PARD3B: variants seen among roughly 807,000 people sequenced by gnomAD.
The protein encoded by PARD3B is partitioning defective 3 homolog B.
A neutral mutation model predicts 130.2 loss-of-function variants in PARD3B; 103 were observed. The ratio of observed to expected loss-of-function variants is 0.79; its 90% CI spans 0.67 to 0.93. The LOEUF (loss-of-function observed/expected upper bound fraction) is 0.93. PARD3B is among the 40% of genes least tolerant of loss of function. PARD3B has a pLI of 0.00. For missense variants in PARD3B, 1,609 were observed against 1,499.2 expected, an observed-to-expected ratio of 1.07 and a Z score of -1.21; for synonymous variants, 583 against 553.2, an observed-to-expected ratio of 1.05 and a Z score of -0.76.
Position 205,125,818 on chromosome 2 carries a change from A to C in PARD3B, c.1434+81A>C. On this transcript the variant is annotated intron_variant, in intron 10 of 22. Coordinates refer to ENST00000406610, the MANE Select transcript of PARD3B (RefSeq NM_001302769.2). This position sits in a 1 kb window ranked among gnomAD's most constrained non-coding sequence, Gnocchi z 4.0. ...ATGAACTCATTATAGCTGAGAAACGAGTTCTAAATCACAGGCTTCATTCAT... is the reference window on the plus strand; with the variant it reads ...ATGAACTCATTATAGCTGAGAAACGCGTTCTAAATCACAGGCTTCATTCAT... 6.5e-7 allele frequency: 1 copy of C among 1,527,970 alleles called. No individual in the cohort carries two copies. The highest frequency in any genetic ancestry group is 8.9e-7 in the Non-Finnish European group (1 of 1,127,388). The allele number at this position is 1,527,970 out of a possible 1,614,324, so 94.7% of individuals were successfully genotyped here.
At chr2:205,117,231 A>G (rs2029917493) in intron 6 of PARD3B, among the ~76,000 whole-genome samples, 1 of 152,206 alleles carries the variant, frequency 6.6e-6, no homozygotes, top group African/African-American at 2.4e-5. Context: ...TTCATTTTTA[A>G]TACTGTGTTT....
intron 1 of PARD3B, among the ~76,000 whole-genome samples, chr2:204,635,512 G>A (rs184005778): frequency 6.6e-4 from 100 of 152,232 alleles, no homozygotes; most frequent in African/African-American, 1.8e-3. Flanking sequence ...GAATTAACAT[G>A]GTGCTTTTGG....
chr2:204,626,882 A>G (rs2034505011), intron 1 of PARD3B, among the ~76,000 whole-genome samples: 1 of 152,064 alleles, frequency 6.6e-6, no homozygotes, highest in African/African-American at 2.4e-5. Flanking sequence ...CACCTATGAT[A>G]TGGTTTGGTT....
intron 2 of PARD3B, among the ~76,000 whole-genome samples, chr2:204,896,153 C>T (rs143699095): frequency 6.6e-6 from 1 of 152,234 alleles, no homozygotes; most frequent in East Asian, 1.9e-4. Context: ...TGGGATTCTG[C>T]AAATGCTAGC....
chr2:205,619,498 T>A lies in PARD3B; in HGVS notation c.*3685T>A, dbSNP rs1310709814. 2.6e-5 allele frequency: 4 copies of A among 152,160 alleles called. No individual in the cohort carries two copies. Among genetic ancestry groups the A allele is most frequent in the African/African-American group, 9.7e-5 (4 of 41,424 alleles). The allele number at this position is 152,160 out of a possible 1,614,324, so 9.4% of individuals were successfully genotyped here. On this transcript the variant is annotated 3_prime_UTR_variant, in exon 23 of 23. Coordinates refer to ENST00000406610, the MANE Select transcript of PARD3B (RefSeq NM_001302769.2). ...CGAGCAACAGAAAGACTGGTCTTAGTGCAATTAGGCAGGAGGGATTTGGAC... is the reference window on the plus strand; with the variant it reads ...CGAGCAACAGAAAGACTGGTCTTAGAGCAATTAGGCAGGAGGGATTTGGAC...
intron 1 of PARD3B, among the ~76,000 whole-genome samples, chr2:204,608,292 T>A (rs536783124): frequency 6.6e-6 from 1 of 152,318 alleles, no homozygotes; most frequent in Admixed American, 6.5e-5. Flanking sequence ...GGGAGAAGGT[T>A]TCTATGGCTC....
At chr2:204,765,576 T>G (rs887088411) in intron 2 of PARD3B, among the ~76,000 whole-genome samples, 1 of 152,198 alleles carries the variant, frequency 6.6e-6, no homozygotes, top group Admixed American at 6.5e-5. Flanking sequence ...TCAAAAGTCT[T>G]TTATAGTATT....
At chr2:204,944,806 T>G (rs901863789) in intron 2 of PARD3B, among the ~76,000 whole-genome samples, 6 of 152,190 alleles carry the variant, frequency 3.9e-5, no homozygotes, top group Non-Finnish European at 5.9e-5. Flanking sequence ...TTGCCCTCAC[T>G]CTTTCTTCCT....
At chr2:204,876,973 A>C (rs2045868304) in intron 2 of PARD3B, among the ~76,000 whole-genome samples, 1 of 152,238 alleles carries the variant, frequency 6.6e-6, no homozygotes, top group Non-Finnish European at 1.5e-5. Flanking sequence ...AAAATACAGT[A>C]CTCTAGATCC....
At chr2:204,726,628 C>G (rs2039240191) in intron 2 of PARD3B, among the ~76,000 whole-genome samples, 1 of 152,152 alleles carries the variant, frequency 6.6e-6, no homozygotes, top group African/African-American at 2.4e-5. Context: ...AGATGGGATT[C>G]AACTTTCTCA....
chr2:205,456,182 T>C (rs901338492), intron 20 of PARD3B, among the ~76,000 whole-genome samples: 1 of 152,110 alleles, frequency 6.6e-6, no homozygotes, highest in African/African-American at 2.4e-5. Context: ...CTTAATCATA[T>C]TGGATATGGT....
chr2:204,614,763 C>T (rs1039328011), intron 1 of PARD3B, among the ~76,000 whole-genome samples: 1 of 152,130 alleles, frequency 6.6e-6, no homozygotes, highest in Admixed American at 6.5e-5. Context: ...GGTACCTCCT[C>T]ATTCTCTCTC....
chr2:205,284,254 T>C (rs1314061297), intron 16 of PARD3B, among the ~76,000 whole-genome samples: 1 of 152,218 alleles, frequency 6.6e-6, no homozygotes, highest in Non-Finnish European at 1.5e-5. Context: ...ATTATCCTTT[T>C]CCAGATTTGC....
intron 1 of PARD3B, among the ~76,000 whole-genome samples, chr2:204,576,309 G>T (rs999872194): frequency 6.6e-6 from 1 of 152,192 alleles, no homozygotes; most frequent in Non-Finnish European, 1.5e-5. Flanking sequence ...AAGTTTGTGC[G>T]CAAGTACCCT....
chr2:204,752,473 G>T (rs1446726682), intron 2 of PARD3B, among the ~76,000 whole-genome samples: 1 of 152,072 alleles, frequency 6.6e-6, no homozygotes, highest in African/African-American at 2.4e-5. Context: ...ATAAAAAATG[G>T]TATCTTTATA....
At chr2:204,905,331 G>A (rs1056637421) in intron 2 of PARD3B, among the ~76,000 whole-genome samples, 1 of 152,178 alleles carries the variant, frequency 6.6e-6, no homozygotes, top group Admixed American at 6.5e-5. Context: ...CTGGCATGGT[G>A]GGAGAGGAGA....
chr2:205,211,358 A>G (rs1052256792), intron 15 of PARD3B, among the ~76,000 whole-genome samples: 14 of 152,060 alleles, frequency 9.2e-5, no homozygotes, highest in African/African-American at 3.1e-4. Context: ...CCATACATCT[A>G]TTCCCTCCTT....
intron 22 of PARD3B, among the ~76,000 whole-genome samples, chr2:205,574,951 A>G (rs1373482708): frequency 6.6e-6 from 1 of 151,542 alleles, no homozygotes; most frequent in Non-Finnish European, 1.5e-5. Flanking sequence ...TCTGTCCTCC[A>G]CAGAAAGGTT....
At chr2:205,428,424 C>A (rs996800487) in intron 19 of PARD3B, among the ~76,000 whole-genome samples, 7 of 152,106 alleles carry the variant, frequency 4.6e-5, no homozygotes, top group African/African-American at 1.7e-4. Context: ...AGCTGCCTCA[C>A]CTCTTCTGCC....
Sources: allele counts gnomAD v4.1 joint callset (sites outside exome capture counted in the v4.1 genomes callset), GRCh38; gene constraint gnomAD v4.1.1; non-coding constraint Gnocchi (gnomAD v3.1); transcripts MANE v1.5; gene names NCBI Gene and HGNC (gene_info 2026-07-23, HGNC 2026-07-21).